The following SYN2 variants were observed in gnomAD, a reference collection of about 807,000 sequenced individuals.
SYN2 encodes the protein synapsin-2.
Under a neutral mutation model 50.9 loss-of-function variants are expected in SYN2, and 19 were observed. That is an observed-to-expected ratio of 0.37 (90% CI 0.26 to 0.55). The LOEUF (loss-of-function observed/expected upper bound fraction) is 0.55, where lower values mean the gene tolerates loss of function less well. Among genes scored for constraint, SYN2 ranks in the 20% least tolerant of loss-of-function variants. SYN2 has a pLI of 0.81. For synonymous variants in SYN2, 255 were observed against 224.9 expected, an observed-to-expected ratio of 1.13 and a Z score of -1.20; for missense variants, 587 against 576.4, an observed-to-expected ratio of 1.02 and a Z score of -0.19.
At chr3:12,085,848 A>G (rs1695690213) in intron 1 of SYN2, among the ~76,000 whole-genome samples, 1 of 152,180 alleles carries the variant, frequency 6.6e-6, no homozygotes, top group Admixed American at 6.5e-5. Context: ...GGAACTAGAA[A>G]AAGAACAGAG....
intron 11 of SYN2, chr3:12,185,232 A>T (rs1477727092): frequency 1.0e-6 from 1 of 985,868 alleles, no homozygotes; most frequent in Non-Finnish European, 1.2e-6. Flanking sequence ...AGAATAAAGT[A>T]ACATTTCCCA....
At chr3:12,119,595 C>T (rs190598427) in intron 1 of SYN2, among the ~76,000 whole-genome samples, 13 of 152,286 alleles carry the variant, frequency 8.5e-5, no homozygotes, top group Non-Finnish European at 4.4e-5. Context: ...TTGGCACATA[C>T]AGGCAACTTT....
chr3:12,095,179 A>T (rs1382550568), intron 1 of SYN2, among the ~76,000 whole-genome samples: 1 of 151,922 alleles, frequency 6.6e-6, no homozygotes, highest in African/African-American at 2.4e-5. Flanking sequence ...CTCACCTTCC[A>T]CTTACTCTTC....
At chr3:12,005,610 G>A (rs1445795934) in intron 1 of SYN2, among the ~76,000 whole-genome samples, 1 of 145,438 alleles carries the variant, frequency 6.9e-6, no homozygotes, top group Non-Finnish European at 1.5e-5. Flanking sequence ...TTGTTTTTCT[G>A]AAATGTGCGT....
At chr3:12,150,887 A>G (rs1265851205) in intron 4 of SYN2, among the ~76,000 whole-genome samples, 6 of 151,988 alleles carry the variant, frequency 3.9e-5, no homozygotes, top group Non-Finnish European at 5.9e-5. Context: ...CAGAGACCCA[A>G]TTTTTGATCC....
At chr3:12,018,620 C>A (rs539689779) in intron 1 of SYN2, among the ~76,000 whole-genome samples, 1 of 152,156 alleles carries the variant, frequency 6.6e-6, no homozygotes, top group East Asian at 1.9e-4. Flanking sequence ...CAATGAACAG[C>A]GCCATGAAGA....
chr3:12,076,263 A>G (rs1030040958), intron 1 of SYN2, among the ~76,000 whole-genome samples: 1 of 152,070 alleles, frequency 6.6e-6, no homozygotes, highest in Non-Finnish European at 1.5e-5. Context: ...TCATATTACC[A>G]CATTTCTTGA....
chr3:12,145,289 C>G (rs913565360), intron 3 of SYN2, among the ~76,000 whole-genome samples: 1 of 152,134 alleles, frequency 6.6e-6, no homozygotes, highest in Non-Finnish European at 1.5e-5. Flanking sequence ...ATAGTCCTAG[C>G]TACTTGAGAC....
At chr3:12,130,237 C>CGTGTGTGT (rs34883251) in intron 1 of SYN2, among the ~76,000 whole-genome samples, 2 of 149,120 alleles carry the variant, frequency 1.3e-5, no homozygotes, top group Admixed American at 1.3e-4. Flanking sequence ...TCTCTGTGTG[C>CGTGTGTGT]GTGTGTGTGT....
At chr3:12,007,631 G>A (rs1693827173) in intron 1 of SYN2, among the ~76,000 whole-genome samples, 1 of 152,206 alleles carries the variant, frequency 6.6e-6, no homozygotes. Flanking sequence ...GGAAGTCAGA[G>A]TGTAGACTCA....
At chr3:12,149,430 G>A (rs930892709) in intron 4 of SYN2, among the ~76,000 whole-genome samples, 1 of 152,210 alleles carries the variant, frequency 6.6e-6, no homozygotes, top group Non-Finnish European at 1.5e-5. Context: ...CTGAGGGTTC[G>A]TTCTTGACAG....
At chr3:12,108,781 T>C (rs1696254937) in intron 1 of SYN2, among the ~76,000 whole-genome samples, 1 of 147,754 alleles carries the variant, frequency 6.8e-6, no homozygotes, top group South Asian at 2.3e-4. Flanking sequence ...CATAAATTAT[T>C]TAGTCTCTTT....
At chr3:12,042,632 C>G (rs1694643502) in intron 1 of SYN2, among the ~76,000 whole-genome samples, 1 of 152,166 alleles carries the variant, frequency 6.6e-6, no homozygotes, top group South Asian at 2.1e-4. Context: ...CTGGCCCTCC[C>G]CATCCCCCAA....
At chr3:12,023,969 G>T (rs1335046186) in intron 1 of SYN2, among the ~76,000 whole-genome samples, 1 of 151,960 alleles carries the variant, frequency 6.6e-6, no homozygotes, top group Admixed American at 6.6e-5. Flanking sequence ...GCTTCCAAAG[G>T]TTTGTTTTCT....
intron 1 of SYN2, among the ~76,000 whole-genome samples, chr3:12,075,242 G>A (rs1190308309): frequency 1.3e-5 from 2 of 152,070 alleles, no homozygotes; most frequent in South Asian, 2.1e-4. Context: ...TTAGCCCAGT[G>A]GCTTCCTATG....
At chr3:12,182,329 G>T (rs1285875838) in intron 10 of SYN2, among the ~76,000 whole-genome samples, 1 of 152,192 alleles carries the variant, frequency 6.6e-6, no homozygotes, top group African/African-American at 2.4e-5. Context: ...GCCTTGCCTT[G>T]GAAGCCCCTC....
intron 5 of SYN2, chr3:12,158,818 G>T: frequency 6.3e-7 from 1 of 1,595,558 alleles, no homozygotes. Context: ...CCAGCTTGGC[G>T]CGGGCCGAGG....
At chr3:12,127,676 A>G (rs1225530631) in intron 1 of SYN2, among the ~76,000 whole-genome samples, 1 of 152,192 alleles carries the variant, frequency 6.6e-6, no homozygotes, top group Non-Finnish European at 1.5e-5. Flanking sequence ...GGAAATCCAA[A>G]GTATTGTTGC....
At chr3:12,050,700 T>C (rs1291581068) in intron 1 of SYN2, among the ~76,000 whole-genome samples, 28 of 136,522 alleles carry the variant, frequency 2.1e-4, no homozygotes, top group African/African-American at 7.0e-4. Context: ...ATCTCATCTT[T>C]CTTCTCTTCT....
Sources: allele counts gnomAD v4.1 joint callset (sites outside exome capture counted in the v4.1 genomes callset), GRCh38; gene constraint gnomAD v4.1.1; transcripts MANE v1.5; gene names NCBI Gene and HGNC (gene_info 2026-07-23, HGNC 2026-07-21).